MUC17: variants seen among roughly 807,000 people sequenced by gnomAD.
MUC17 encodes mucin 17, cell surface associated.
Under a neutral mutation model 170.3 loss-of-function variants are expected in MUC17, and 190 were observed. That is an observed-to-expected ratio of 1.12 (90% CI 0.99 to 1.26). The LOEUF (loss-of-function observed/expected upper bound fraction) is 1.26. MUC17 is among the 50% of genes most tolerant of loss of function. The pLI is 0.00. For missense variants in MUC17, 6,415 were observed against 5,530.0 expected (o/e 1.16, Z -5.08); for synonymous variants, 2,325 against 2,002.5 (o/e 1.16, Z -4.30).
At position 101,032,667 on chromosome 7, in the gene MUC17, T is replaced by C; in HGVS notation, c.1251T>C (p.Pro417=). The C allele has an allele frequency of 6.4e-7, 1 of 1,574,370 alleles. No homozygotes were observed. Among genetic ancestry groups the C allele is most frequent in the Non-Finnish European group, 8.7e-7 (1 of 1,153,110 alleles). The change falls in exon 3 of 13, where the codon CCT becomes CCC. Residue 417 remains proline, a synonymous_variant. Coordinates refer to ENST00000306151, the MANE Select transcript of MUC17 (RefSeq NM_001040105.2). The part of the protein sequence containing the change: ...SSEASTTSTI[P]VDSKTFVTTA... The stretch of plus-strand genomic sequence containing the variant: ...AGGCTAGCACCACTTCAACAATTCC[T>C]GTTGACTCCAAAACTTTTGTGACCA...
rs754466935 is a variant in MUC17, at chr7:101,041,223, C to A, written c.9807C>A (p.Thr3269=). ...CATCTCCTCCCACTGCTGAAGGTAC[C>A]AGCATGCCAACCTCAACTCCTAGTG... ...ASSSPPTAEG[T]SMPTSTPSEG... is the part of the protein sequence containing the mutation. Residue 3269 remains threonine (T), a synonymous_variant, in exon 3 of 13, where the codon ACC becomes ACA. Transcript: ENST00000306151. 1 of 1,613,432 alleles carries A rather than the reference C, an allele frequency of 6.2e-7. No homozygotes were observed. The highest frequency in any genetic ancestry group is 1.1e-5 in the South Asian group (1 of 91,000).
At chr7:101,026,032 G>A (rs1182086021) in intron 1 of MUC17, among the ~76,000 whole-genome samples, 1 of 152,216 alleles carries the variant, frequency 6.6e-6, no homozygotes, top group Non-Finnish European at 1.5e-5. Context: ...CTGAGTGCTT[G>A]CTGTGTGTGG....
rs200175423 is a variant in MUC17 at position 101,042,877 on chromosome 7, A to C, written c.11461A>C (p.Ile3821Leu). 130 of 1,614,082 alleles carry C rather than the reference A, an allele frequency of 8.1e-5. No individual in the cohort carries two copies. Among genetic ancestry groups the C allele is most frequent in the Admixed American group, 1.8e-4 (11 of 60,016 alleles). ...ERSTLLTTVL[I>L]SPISVMSPSE... is the part of the protein sequence containing the mutation. ...AAGCACTTTATTGACAACTGTCCTCATCAGCCCTATATCTGTGATGAGTCC... is the reference window on the plus strand; with the variant it reads ...AAGCACTTTATTGACAACTGTCCTCCTCAGCCCTATATCTGTGATGAGTCC... The change falls in exon 3 of 13, where the codon ATC becomes CTC. Residue 3821 changes from isoleucine (I) to leucine (L), a missense_variant. Coordinates refer to ENST00000306151, the MANE Select transcript of MUC17 (RefSeq NM_001040105.2).
chr7:101,048,187 C>A lies in MUC17; in HGVS notation c.12535+72C>A, dbSNP rs1397871020. 13 of 1,425,852 alleles carry A rather than the reference C, an allele frequency of 9.1e-6. No homozygotes were observed. The Admixed American group carries it at 3.4e-4, about 37-fold the overall frequency. The allele number at this position is 1,425,852 out of a possible 1,614,324, so 88.3% of individuals were successfully genotyped here. A position where few individuals can be genotyped will look rare whatever the true frequency, so the allele number is the denominator to read the frequency against. On this transcript the variant is annotated intron_variant, in intron 4 of 12. Coordinates refer to ENST00000306151, the MANE Select transcript of MUC17 (RefSeq NM_001040105.2). Reference sequence around the variant, plus strand: ...ACCTCCATACAAGCAACAGTTCCTGCCCCACCTTGATGTGAGGCCAGGAAT... The same window carrying A: ...ACCTCCATACAAGCAACAGTTCCTGACCCACCTTGATGTGAGGCCAGGAAT...
rs1053736987 is a variant in MUC17 at position 101,037,415 on chromosome 7, C to G, written c.5999C>G (p.Ser2000Cys). 1.2e-6 allele frequency: 2 copies of G among 1,612,398 alleles called. No individual in the cohort carries two copies. The highest frequency in any genetic ancestry group is 1.7e-6 in the Non-Finnish European group (2 of 1,178,934). Reference sequence around the variant, plus strand: ...CTCAGCACCACGCTGGTGGTCAGTTCTGAGGCTAGCACTCTTTCCACAACT... The same window carrying G: ...CTCAGCACCACGCTGGTGGTCAGTTGTGAGGCTAGCACTCTTTCCACAACT... ...MPLSTTLVVSSEASTLSTTPV... is the reference protein window; with the variant it reads ...MPLSTTLVVSCEASTLSTTPV... Residue 2000 changes from serine to cysteine, a missense_variant, in exon 3 of 13, where the codon TCT (serine) becomes TGT (cysteine). Transcript: ENST00000306151.
rs762798822 is a variant in MUC17, at chr7:101,038,329, G to A, written c.6913G>A (p.Asp2305Asn). ...TAGCACCCTTTCAACAACTCCTGTT[G>A]ACTCCAACACTCCTTTCACTACTTC... Reference protein sequence around the residue: ...EVSTLSTTPVDSNTPFTTSTE... With the variant: ...EVSTLSTTPVNSNTPFTTSTE... The change falls in exon 3 of 13, where the codon GAC becomes AAC. Residue 2305 changes from aspartate to asparagine, a missense_variant. Transcript: ENST00000306151. The A allele has an allele frequency of 2.0e-5, 33 of 1,613,356 alleles. No homozygotes were observed. The highest frequency in any genetic ancestry group is 2.7e-5 in the Non-Finnish European group (32 of 1,179,734).
At chr7:101,049,860 G>A (rs1794905771) in intron 6 of MUC17, among the ~76,000 whole-genome samples, 1 of 152,340 alleles carries the variant, frequency 6.6e-6, no homozygotes, top group Non-Finnish European at 1.5e-5. Context: ...ACCAGGTGCA[G>A]TAGCTCACAC....
intron 1 of MUC17, 101 bp from the exon 2 acceptor site, chr7:101,031,019 G>A: frequency 1.4e-6 from 2 of 1,394,070 alleles, no homozygotes; most frequent in African/African-American, 2.9e-5. Flanking sequence ...CTGGTTCAGG[G>A]GCCAGGGACT....
intron 12 of MUC17, among the ~76,000 whole-genome samples, chr7:101,056,904 CT>C (rs1278351429): frequency 6.6e-6 from 1 of 151,948 alleles, no homozygotes; most frequent in Non-Finnish European, 1.5e-5. Context: ...CGTTATGTCT[CT>C]TTGGTCTTTT....
Position 101,032,520 on chromosome 7 carries a change from T to A in MUC17, c.1104T>A (p.Ser368=). ...PVDTSTLVTT[S]TEPSSLPTTA... The stretch of plus-strand genomic sequence containing the variant: ...ACACCAGCACACTTGTGACCACTTC[T>A]ACTGAACCCAGTTCACTTCCTACAA... Residue 368 remains serine, a synonymous_variant, in exon 3 of 13, where the codon TCT becomes TCA. Transcript: ENST00000306151. 1 of 1,614,202 alleles carries A rather than the reference T, an allele frequency of 6.2e-7. No homozygotes were observed. Among genetic ancestry groups the A allele is most frequent in the Non-Finnish European group, 8.5e-7 (1 of 1,180,034 alleles).
At position 101,041,029 on chromosome 7, in the gene MUC17, A is replaced by G. The variant is rs144059100; in HGVS notation, c.9613A>G (p.Thr3205Ala). The G allele has an allele frequency of 4.3e-4, 697 of 1,609,374 alleles. 2 individuals are homozygous for G. The African/African-American group carries it at 8.1e-3, about 19-fold the overall frequency. ...VTTSTEATSSTTAEGTSIPTS... is the reference protein window; with the variant it reads ...VTTSTEATSSATAEGTSIPTS... ...CACTTCTACTGAAGCCACTTCATCT[A>G]CAACTGCTGAAGGTACCAGCATTCC... is the stretch of plus-strand genomic sequence containing the variant. The change falls in exon 3 of 13, where the codon ACA becomes GCA. Residue 3205 changes from threonine to alanine, a missense_variant. Transcript: ENST00000306151.
rs767371089 is a variant in MUC17, at chr7:101,035,051, C to T, written c.3635C>T (p.Ser1212Leu). ...GCTGAAGTTACCAGCATGCCAACCT[C>T]AACTCCTGGAGAAAGAAGCACTCCA... ...PTAEVTSMPT[S>L]TPGERSTPLT... Residue 1212 changes from serine to leucine, a missense_variant, in exon 3 of 13, where the codon TCA becomes TTA. Coordinates refer to ENST00000306151, the MANE Select transcript of MUC17 (RefSeq NM_001040105.2). 11 of 1,614,116 alleles carry T rather than the reference C, an allele frequency of 6.8e-6. No individual in the cohort carries two copies. The highest frequency in any genetic ancestry group is 9.3e-6 in the Non-Finnish European group (11 of 1,179,984).
chr7:101,034,425 T>TTCAACAAC lies in MUC17; in HGVS notation c.3012_3019dup (p.Pro1007GlnfsTer11), dbSNP rs1359255717. Reference sequence around the variant, plus strand: ...TGGCCAATTCTGAGGCTAGCACCCTTTCAACAACTCCTGTTGACTCCAACA... The same window carrying TTCAACAAC: ...TGGCCAATTCTGAGGCTAGCACCCTTTCAACAACTCAACAACTCCTGTTGACTCCAACA... On this transcript the variant is annotated frameshift_variant, in exon 3 of 13. Transcript: ENST00000306151. LOFTEE classifies it high-confidence loss of function. 6.2e-7 allele frequency: 1 copy of TTCAACAAC among 1,607,566 alleles called. No individual in the cohort carries two copies. Among genetic ancestry groups the TTCAACAAC allele is most frequent in the Non-Finnish European group, 8.5e-7 (1 of 1,176,808 alleles).
intron 1 of MUC17, among the ~76,000 whole-genome samples, chr7:101,026,746 G>A (rs548992554): frequency 2.0e-5 from 3 of 152,098 alleles, no homozygotes; most frequent in East Asian, 3.9e-4. Context: ...CACCACGCCC[G>A]ATTAATTGTT....
chr7:101,043,529 C>T lies in MUC17; in HGVS notation c.12113C>T (p.Thr4038Ile). 6.2e-7 allele frequency: 1 copy of T among 1,614,244 alleles called. No individual in the cohort carries two copies. The highest frequency in any genetic ancestry group is 8.5e-7 in the Non-Finnish European group (1 of 1,180,044). ...GCAACCAGTACACCTCACACCTCTA[C>T]TTCTGTCACCACCCGTCCTGTGACC... ...LSATSTPHTS[T>I]SVTTRPVTPS... Residue 4038 changes from threonine to isoleucine, a missense_variant, in exon 3 of 13, where the codon ACT becomes ATT. By Grantham distance (89) the Thr-to-Ile change is moderately conservative (BLOSUM62 -1). Transcript: ENST00000306151.
Position 101,038,813 on chromosome 7 carries a change from C to G in MUC17, c.7397C>G (p.Thr2466Arg). The part of the protein sequence containing the change: ...TPLASMPVST[T>R]PVVSSEAGTL... ...TTAGCAAGTATGCCTGTCAGCACCA[C>G]GCCGGTGGTCAGTTCTGAGGCTGGC... The change falls in exon 3 of 13, where the codon ACG becomes AGG. Residue 2466 changes from threonine (T) to arginine (R), a missense_variant. Physicochemically the swap from Thr to Arg is moderately conservative, Grantham distance 71 (BLOSUM62 -1). Transcript: ENST00000306151. 6.2e-7 allele frequency: 1 copy of G among 1,609,858 alleles called. No homozygotes were observed. The highest frequency in any genetic ancestry group is 8.5e-7 in the Non-Finnish European group (1 of 1,178,676).
In MUC17 at chr7:101,038,351, C is replaced by G. The variant is rs756269097; in HGVS notation, c.6935C>G (p.Thr2312Ser). 2 of 1,613,586 alleles carry G rather than the reference C, an allele frequency of 1.2e-6. No homozygotes were observed. Among genetic ancestry groups the G allele is most frequent in the Admixed American group, 3.3e-5 (2 of 59,976 alleles). Residue 2312 changes from threonine to serine, a missense_variant, in exon 3 of 13, where the codon ACT (threonine) becomes AGT (serine). Physicochemically the swap from Thr to Ser is moderately conservative, Grantham distance 58. Transcript: ENST00000306151. ...GTTGACTCCAACACTCCTTTCACTA[C>G]TTCTACTGAAGCCAGTTCACCTCCT... The part of the protein sequence containing the change: ...TPVDSNTPFT[T>S]STEASSPPPT...
chr7:101,053,342 A>T lies in MUC17; in HGVS notation c.13269A>T (p.Gln4423His), dbSNP rs748710549. 20 of 1,613,984 alleles carry T rather than the reference A, an allele frequency of 1.2e-5. No individual in the cohort carries two copies. Among genetic ancestry groups the T allele is most frequent in the Non-Finnish European group, 1.7e-5 (20 of 1,179,902 alleles). ...TCTCTGATGTTTCCATCACTAGGCA[A>T]AAGTACAGATTGTCTCAGTTATACA... ...VFRSKREVKR[Q>H]KYRLSQLYKW... The change falls in exon 11 of 13, where the codon CAA becomes CAT. Residue 4423 changes from glutamine to histidine, a missense_variant. Gln to His is a conservative substitution (Grantham distance 24). Transcript: ENST00000306151.
At chr7:101,044,516 C>T (rs969956564) in intron 3 of MUC17, among the ~76,000 whole-genome samples, 2 of 152,186 alleles carry the variant, frequency 1.3e-5, no homozygotes, top group African/African-American at 4.8e-5. Context: ...TTTTCTGTCT[C>T]AGCACTCTCT....
Sources: allele counts gnomAD v4.1 joint callset (sites outside exome capture counted in the v4.1 genomes callset), GRCh38; gene constraint gnomAD v4.1.1; transcripts MANE v1.5; gene names NCBI Gene and HGNC (gene_info 2026-07-23, HGNC 2026-07-21).